Variants in IL1RAPL1 observed in about 807,000 individuals in gnomAD.
IL1RAPL1 encodes the protein interleukin-1 receptor accessory protein-like 1.
In IL1RAPL1, 3 loss-of-function variants were observed where a neutral mutation model predicts 48.4. The observed-to-expected ratio is 0.06, with a 90% CI of 0.03 to 0.16. The LOEUF (loss-of-function observed/expected upper bound fraction) is 0.16, where lower values mean the gene tolerates loss of function less well. IL1RAPL1 is among the 10% of genes least tolerant of loss of function. The pLI, the probability that IL1RAPL1 is intolerant of heterozygous loss-of-function variation, is 1.00. For missense variants in IL1RAPL1, 349 were observed against 530.6 expected (o/e 0.66, Z 3.36); for synonymous variants, 185 against 187.7 (o/e 0.99, Z 0.12).
intron 5 of IL1RAPL1, among the ~76,000 whole-genome samples, chrX:29,491,267 C>T (rs973632605): frequency 1.8e-5 from 2 of 112,268 alleles, no homozygotes; most frequent in African/African-American, 6.5e-5. Context: ...AAATAGGACA[C>T]TACTCTCTGC....
chrX:29,198,301 C>A (rs1437171100), intron 2 of IL1RAPL1, among the ~76,000 whole-genome samples: 3 of 107,361 alleles, frequency 2.8e-5, no homozygotes, highest in African/African-American at 1.0e-4. Context: ...TTCTTTTTTT[C>A]TTTTTCTTTT....
chrX:29,729,204 G>A (rs1483592800), intron 6 of IL1RAPL1, among the ~76,000 whole-genome samples: 1 of 111,294 alleles, frequency 9.0e-6, no homozygotes, highest in East Asian at 2.8e-4. Context: ...TGAACATCTG[G>A]GACTTAAATT....
chrX:29,519,429 G>A (rs1042155465), intron 5 of IL1RAPL1, among the ~76,000 whole-genome samples: 1 of 111,834 alleles, frequency 8.9e-6, no homozygotes, highest in Non-Finnish European at 1.9e-5. Context: ...AGCTCCAAAG[G>A]CCACACTGCT....
At chrX:29,180,901 A>C (rs1248170395) in intron 2 of IL1RAPL1, among the ~76,000 whole-genome samples, 1 of 111,459 alleles carries the variant, frequency 9.0e-6, no homozygotes, top group Non-Finnish European at 1.9e-5. Flanking sequence ...ATGCTCAAGT[A>C]TGTCTGTGTA....
chrX:29,656,657 C>T (rs1925692295), intron 5 of IL1RAPL1, among the ~76,000 whole-genome samples: 1 of 109,663 alleles, frequency 9.1e-6, no homozygotes, highest in Non-Finnish European at 1.9e-5. Flanking sequence ...ATTTATACAC[C>T]ACATTTTCTT....
chrX:29,525,772 T>C (rs974222726), intron 5 of IL1RAPL1, among the ~76,000 whole-genome samples: 3 of 111,210 alleles, frequency 2.7e-5, no homozygotes, highest in African/African-American at 9.8e-5. Context: ...GCAAAAGAGA[T>C]GGAGGAAAGG....
intron 1 of IL1RAPL1, among the ~76,000 whole-genome samples, chrX:28,679,924 T>A (rs995365157): frequency 2.0e-4 from 22 of 111,947 alleles, no homozygotes; most frequent in African/African-American, 6.8e-4. Context: ...TGCTCAAGAT[T>A]GCTTCAGCTA....
At chrX:28,729,734 A>G (rs1935730568) in intron 1 of IL1RAPL1, among the ~76,000 whole-genome samples, 1 of 111,568 alleles carries the variant, frequency 9.0e-6, no homozygotes, top group Non-Finnish European at 1.9e-5. Context: ...GTGGTGGCTC[A>G]TGCCTGTAAT....
At chrX:28,593,583 C>T (rs139000343) in intron 1 of IL1RAPL1, among the ~76,000 whole-genome samples, 1,596 of 111,155 alleles carry the variant, frequency 0.014, 38 homozygotes, top group African/African-American at 0.05. Flanking sequence ...CTAGATTGTA[C>T]GTTGTAACAC....
intron 2 of IL1RAPL1, among the ~76,000 whole-genome samples, chrX:29,014,422 A>G (rs1032794871): frequency 9.0e-6 from 1 of 110,894 alleles, no homozygotes; most frequent in African/African-American, 3.3e-5. Flanking sequence ...GCACACATGT[A>G]TATTTGTGTA....
intron 5 of IL1RAPL1, among the ~76,000 whole-genome samples, chrX:29,581,110 A>G (rs747382061): frequency 8.9e-6 from 1 of 112,604 alleles, no homozygotes; most frequent in East Asian, 2.8e-4. Flanking sequence ...TTTAGCATTT[A>G]TATAAGTTGT....
rs397777381 is a variant in IL1RAPL1, at chrX:29,688,828, T to TC, written c.778+20325dup. Among the ~76,000 whole-genome samples, 312 of 108,766 alleles carry TC rather than the reference T, an allele frequency of 2.9e-3. 1 individual carries two copies. The highest frequency in any genetic ancestry group is 9.9e-3 in the African/African-American group (295 of 29,840). The allele number at this position is 108,766 out of a possible 115,157, so 94.5% of individuals were successfully genotyped here. On this transcript the variant is annotated intron_variant, in intron 6 of 10. Transcript: ENST00000378993. ...TGTGCTTTGTGGTCTTTTTTTTTTT[T>TC]CACTTGAAGAGTATTCCCATTTAGC...
intron 5 of IL1RAPL1, among the ~76,000 whole-genome samples, chrX:29,632,658 A>G (rs1167947815): frequency 8.9e-6 from 1 of 112,201 alleles, no homozygotes; most frequent in Non-Finnish European, 1.9e-5. Flanking sequence ...TAGCTTTGTC[A>G]TCTGTGTAGG....
intron 2 of IL1RAPL1, among the ~76,000 whole-genome samples, chrX:28,938,546 T>TA (rs915969727): frequency 2.7e-5 from 3 of 111,474 alleles, no homozygotes; most frequent in African/African-American, 9.8e-5. Flanking sequence ...GACTTAAATG[T>TA]AAAACTTGAA....
At chrX:29,854,895 G>GCACA (rs202098400) in intron 6 of IL1RAPL1, among the ~76,000 whole-genome samples, 3,554 of 105,327 alleles carry the variant, frequency 0.034, 141 homozygotes, top group African/African-American at 0.11. Context: ...TGACCAAATA[G>GCACA]CACACACACA....
At position 29,562,123 on chromosome X, in the gene IL1RAPL1, T is replaced by A. The variant is rs1251726292; in HGVS notation, c.704-106307T>A. Among the ~76,000 whole-genome samples the A allele has an allele frequency of 3.0e-3, 152 of 51,223 alleles. 1 individual carries two copies. The highest frequency in any genetic ancestry group is 0.012 in the African/African-American group (143 of 12,290). The allele number at this position is 51,223 out of a possible 115,157, so 44.5% of individuals were successfully genotyped here. On this transcript the variant is annotated intron_variant, in intron 5 of 10. Transcript: ENST00000378993. ...TATCTATCTATCTATCTAATCTATC[T>A]ATCTATCTATCTATCTATCTATCTA...
At chrX:29,169,011 GATAAATGTGATATATTA>G (rs1166069811) in intron 2 of IL1RAPL1, among the ~76,000 whole-genome samples, 1 of 103,578 alleles carries the variant, frequency 9.7e-6, no homozygotes, top group Non-Finnish European at 2.0e-5. Context: ...GAATATATAT[GATAAATGTGATATATTA>G]ATAAATGTGA....
chrX:28,839,222 T>C (rs2147290916), intron 2 of IL1RAPL1, among the ~76,000 whole-genome samples: 1 of 111,549 alleles, frequency 9.0e-6, no homozygotes, highest in Admixed American at 9.6e-5. Flanking sequence ...TTATAAATTT[T>C]CCAGAATTTT....
chrX:29,830,426 T>C (rs1486649279), intron 6 of IL1RAPL1, among the ~76,000 whole-genome samples: 3 of 110,715 alleles, frequency 2.7e-5, no homozygotes, highest in African/African-American at 9.8e-5. Flanking sequence ...CAAGTATAGA[T>C]TCATCATTTA....
Sources: gnomAD v4.1 joint callset for allele counts (sites outside exome capture counted in the v4.1 genomes callset) on GRCh38, gnomAD v4.1.1 for gene constraint, MANE v1.5 for transcripts, NCBI Gene and HGNC (gene_info 2026-07-23, HGNC 2026-07-21) for gene names.